The following COMMD1 variants were observed in gnomAD, a reference collection of about 807,000 sequenced individuals.
COMMD1 encodes COMM domain-containing protein 1.
COMMD1 carries 10 observed loss-of-function variants against 17.2 expected under a neutral mutation model. That is an observed-to-expected ratio of 0.58 (90% CI 0.36 to 0.99). The LOEUF is 0.99. Ranked by LOEUF, COMMD1 falls within the 50% of genes least tolerant of loss-of-function variation. The pLI, the probability that COMMD1 is intolerant of heterozygous loss-of-function variation, is 0.01. For missense variants in COMMD1, 270 were observed against 231.8 expected (o/e 1.17, Z -1.07); for synonymous variants, 97 against 91.6 (o/e 1.06, Z -0.34).
chr2:61,924,667 A>G (rs1254117336), intron 1 of COMMD1, among the ~76,000 whole-genome samples: 1 of 152,166 alleles, frequency 6.6e-6, no homozygotes, highest in Non-Finnish European at 1.5e-5. Flanking sequence ...ACCATTTCCT[A>G]TTGCGATGGC....
chr2:62,049,150 TA>T (rs2103914059), intron 2 of COMMD1, among the ~76,000 whole-genome samples: 1 of 151,762 alleles, frequency 6.6e-6, no homozygotes, highest in Admixed American at 6.6e-5. Flanking sequence ...CTACATATTT[TA>T]ACCCAGAAGC....
In COMMD1 at chr2:62,115,650, T is replaced by C. The variant is rs534881205; in HGVS notation, c.463-20181T>C. The stretch of plus-strand genomic sequence containing the variant: ...TATCAATATTATATAACTGTGGCTA[T>C]GTGAGTTAGGAAATATACACTAAGC... On this transcript the variant is annotated intron_variant, in intron 2 of 2. Transcript: ENST00000311832. Among the ~76,000 whole-genome samples the C allele has an allele frequency of 5.9e-5, 9 of 152,282 alleles. No homozygotes were observed. In the East Asian group the frequency reaches 1.7e-3, roughly 29 times the overall value.
intron 2 of COMMD1, among the ~76,000 whole-genome samples, chr2:62,030,661 A>C (rs998500679): frequency 2.0e-5 from 3 of 152,110 alleles, no homozygotes; most frequent in African/African-American, 7.2e-5. Context: ...ACCTTTTCTA[A>C]ACATCACTTT....
chr2:62,119,633 T>G (rs1672693226), intron 2 of COMMD1, among the ~76,000 whole-genome samples: 1 of 152,242 alleles, frequency 6.6e-6, no homozygotes, highest in African/African-American at 2.4e-5. Context: ...TAACTATGCC[T>G]ATTTCTCCCT....
At chr2:62,042,429 C>T (rs1558574493) in intron 2 of COMMD1, among the ~76,000 whole-genome samples, 1 of 152,236 alleles carries the variant, frequency 6.6e-6, no homozygotes, top group Non-Finnish European at 1.5e-5. Context: ...CAATGGCACT[C>T]TCCGGGGGAC....
intron 1 of COMMD1, among the ~76,000 whole-genome samples, chr2:61,992,541 G>T (rs1672277688): frequency 6.6e-6 from 1 of 152,130 alleles, no homozygotes; most frequent in Non-Finnish European, 1.5e-5. Context: ...GCTAAAAATG[G>T]TTTTTACATT....
intron 1 of COMMD1, among the ~76,000 whole-genome samples, chr2:61,920,238 C>G (rs182949104): frequency 1.3e-5 from 2 of 152,148 alleles, no homozygotes; most frequent in African/African-American, 4.8e-5. Context: ...AAGAGATGAC[C>G]TCTAAGCAAT....
chr2:62,098,928 C>T (rs968739224), intron 2 of COMMD1, among the ~76,000 whole-genome samples: 1 of 152,172 alleles, frequency 6.6e-6, no homozygotes, highest in African/African-American at 2.4e-5. Context: ...CCTTAGCAAA[C>T]TTAAAGGGAT....
Position 61,977,239 on chromosome 2 carries a change from TG to T in COMMD1, c.181-23461del, listed in dbSNP as rs1239350256. On this transcript the variant is annotated intron_variant, in intron 1 of 2. Transcript: ENST00000311832. ...TAAAACTGCTGTAAAAAATAAAGTT[TG>T]CTTTTTTTTTTTTTTTTTTTTTTGA... 2.6e-3 allele frequency among the ~76,000 whole-genome samples: 373 copies of T among 144,540 alleles called. 3 individuals are homozygous for T. The highest frequency in any genetic ancestry group is 9.0e-3 in the African/African-American group (343 of 38,226). The allele number at this position is 144,540 out of a possible 152,430, so 94.8% of individuals were successfully genotyped here. A position where few individuals can be genotyped will look rare whatever the true frequency, so the allele number is the denominator to read the frequency against.
intron 2 of COMMD1, among the ~76,000 whole-genome samples, chr2:62,024,007 A>G (rs1301033997): frequency 1.3e-5 from 2 of 152,256 alleles, no homozygotes; most frequent in Non-Finnish European, 2.9e-5. Flanking sequence ...AATTGCATAC[A>G]TAGTATAATC....
At chr2:62,076,517 C>T (rs1002817305) in intron 2 of COMMD1, among the ~76,000 whole-genome samples, 4 of 152,218 alleles carry the variant, frequency 2.6e-5, no homozygotes, top group Non-Finnish European at 4.4e-5. Context: ...GAGGCCAAAG[C>T]GGCTGGATCG....
intron 1 of COMMD1, among the ~76,000 whole-genome samples, chr2:61,992,297 C>A (rs1672271495): frequency 6.6e-6 from 1 of 152,132 alleles, no homozygotes; most frequent in Non-Finnish European, 1.5e-5. Flanking sequence ...TAATTGCATT[C>A]CTGGAAAACT....
intron 2 of COMMD1, among the ~76,000 whole-genome samples, chr2:62,052,326 TTAAA>T (rs771210065): frequency 4.6e-5 from 7 of 152,098 alleles, no homozygotes; most frequent in East Asian, 1.9e-4. Context: ...AACCTGGTAT[TTAAA>T]TAAATAAATA....
At chr2:62,052,885 A>G (rs1049551695) in intron 2 of COMMD1, among the ~76,000 whole-genome samples, 1 of 152,180 alleles carries the variant, frequency 6.6e-6, no homozygotes, top group Non-Finnish European at 1.5e-5. Flanking sequence ...CCTGGGCAAC[A>G]TGACAAAACT....
At chr2:62,124,068 G>A (rs968458551) in intron 2 of COMMD1, among the ~76,000 whole-genome samples, 1 of 152,208 alleles carries the variant, frequency 6.6e-6, no homozygotes, top group Admixed American at 6.5e-5. Context: ...GGGAGGCCAA[G>A]GTGGGCAGAT....
intron 1 of COMMD1, among the ~76,000 whole-genome samples, chr2:61,983,726 G>A (rs1573031289): frequency 6.6e-6 from 1 of 151,796 alleles, no homozygotes; most frequent in African/African-American, 2.4e-5. Context: ...TTTGAATCTT[G>A]TATTTTCTTA....
At chr2:61,972,473 G>T (rs1379692158) in intron 1 of COMMD1, among the ~76,000 whole-genome samples, 1 of 152,140 alleles carries the variant, frequency 6.6e-6, no homozygotes, top group African/African-American at 2.4e-5. Flanking sequence ...TTCCTTCTAA[G>T]AAGTAGGGTA....
intron 2 of COMMD1, among the ~76,000 whole-genome samples, chr2:62,099,863 G>A (rs546535441): frequency 9.3e-4 from 142 of 152,062 alleles, no homozygotes; most frequent in South Asian, 4.4e-3. Context: ...ACACTCCCAC[G>A]AGGCCCCTGG....
intron 2 of COMMD1, among the ~76,000 whole-genome samples, chr2:62,125,762 T>C (rs987548180): frequency 2.0e-5 from 3 of 152,074 alleles, no homozygotes; most frequent in African/African-American, 7.2e-5. Flanking sequence ...AAATTCTCTC[T>C]TTTTTTTAAT....
Sources: allele counts gnomAD v4.1 joint callset (sites outside exome capture counted in the v4.1 genomes callset), GRCh38; gene constraint gnomAD v4.1.1; transcripts MANE v1.5; gene names NCBI Gene and HGNC (gene_info 2026-07-23, HGNC 2026-07-21).